The following EVA1A variants were observed in gnomAD, a reference collection of about 807,000 sequenced individuals.
EVA1A encodes the protein protein eva-1 homolog A.
In EVA1A, 7 loss-of-function variants were observed where a neutral mutation model predicts 9.8. The observed-to-expected ratio is 0.71, with a 90% CI of 0.41 to 1.34. The LOEUF is 1.34. Among genes scored for constraint, EVA1A ranks in the 40% most tolerant of loss-of-function variants. EVA1A has a pLI of 0.01. For missense variants in EVA1A, 206 were observed against 205.9 expected, an observed-to-expected ratio of 1.00 and a Z score of 0.00; for synonymous variants, 90 against 85.6, an observed-to-expected ratio of 1.05 and a Z score of -0.28.
intron 1 of EVA1A, among the ~76,000 whole-genome samples, chr2:75,544,140 CAT>C (rs1676240360): frequency 6.6e-6 from 1 of 152,086 alleles, no homozygotes; most frequent in Admixed American, 6.6e-5. Flanking sequence ...GTAGATGTGT[CAT>C]TAATTGGGAA....
chr2:75,538,496 T>C (rs1295252485), intron 1 of EVA1A, among the ~76,000 whole-genome samples: 1 of 152,232 alleles, frequency 6.6e-6, no homozygotes, highest in East Asian at 1.9e-4. Context: ...CAGCATGTTG[T>C]ATAAATGAGA....
At chr2:75,498,168 T>A (rs370728860) in intron 3 of EVA1A, among the ~76,000 whole-genome samples, 30 of 152,234 alleles carry the variant, frequency 2.0e-4, no homozygotes, top group African/African-American at 6.5e-4. Flanking sequence ...AATAAAATCA[T>A]GTCTTTTGCA....
chr2:75,500,632 C>T (rs143348689), intron 3 of EVA1A, among the ~76,000 whole-genome samples: 98 of 152,262 alleles, frequency 6.4e-4, no homozygotes, highest in African/African-American at 2.3e-3. Flanking sequence ...CAACTTCATA[C>T]AGAATGTACC....
chr2:75,547,977 G>T (rs1676389614), intron 1 of EVA1A, among the ~76,000 whole-genome samples: 1 of 152,238 alleles, frequency 6.6e-6, no homozygotes, highest in Admixed American at 6.5e-5. Context: ...ATGACAGACT[G>T]TAGGTCCACA....
intron 3 of EVA1A, among the ~76,000 whole-genome samples, chr2:75,503,836 G>T (rs1401699653): frequency 6.6e-6 from 1 of 151,966 alleles, no homozygotes; most frequent in Non-Finnish European, 1.5e-5. Context: ...TTAGATAGAA[G>T]AAATAAATTC....
chr2:75,543,351 G>C (rs983912459), intron 1 of EVA1A, among the ~76,000 whole-genome samples: 2 of 151,940 alleles, frequency 1.3e-5, no homozygotes, highest in African/African-American at 4.8e-5. Context: ...CAGAAGTAAC[G>C]CCTGACCAAG....
chr2:75,559,600 A>G (rs1676841742), intron 1 of EVA1A, among the ~76,000 whole-genome samples: 1 of 151,848 alleles, frequency 6.6e-6, no homozygotes, highest in African/African-American at 2.4e-5. Context: ...CTGAACTCAG[A>G]GGACAGTAGA....
At chr2:75,569,115 A>C (rs1677079125) in intron 1 of EVA1A, among the ~76,000 whole-genome samples, 1 of 152,152 alleles carries the variant, frequency 6.6e-6, no homozygotes, top group African/African-American at 2.4e-5. Flanking sequence ...CATCACGTCC[A>C]TGCCAACATA....
At chr2:75,521,435 A>C (rs1675226154) in intron 2 of EVA1A, among the ~76,000 whole-genome samples, 2 of 152,222 alleles carry the variant, frequency 1.3e-5, no homozygotes, top group Non-Finnish European at 1.5e-5. Flanking sequence ...AAGTAACCCA[A>C]ATGTCCATCC....
chr2:75,543,385 G>C (rs578060083), intron 1 of EVA1A, among the ~76,000 whole-genome samples: 1 of 152,276 alleles, frequency 6.6e-6, no homozygotes, highest in South Asian at 2.1e-4. Context: ...GGAACAAGGA[G>C]TATTCCTGGT....
intron 3 of EVA1A, among the ~76,000 whole-genome samples, chr2:75,495,883 T>C (rs377001146): frequency 2.0e-5 from 3 of 152,230 alleles, no homozygotes; most frequent in African/African-American, 7.2e-5. Flanking sequence ...CTTCTCCTCC[T>C]TTCCTCCTTT....
At chr2:75,538,324 T>C (rs148363696) in intron 1 of EVA1A, among the ~76,000 whole-genome samples, 82 of 152,132 alleles carry the variant, frequency 5.4e-4, no homozygotes, top group African/African-American at 2.0e-3. Context: ...AAAATAAAAC[T>C]AGTGAGTTCA....
chr2:75,502,313 G>T (rs915160696), intron 3 of EVA1A, among the ~76,000 whole-genome samples: 1 of 152,132 alleles, frequency 6.6e-6, no homozygotes, highest in Admixed American at 6.5e-5. Context: ...CCCTACAAGG[G>T]TTTTCAGACC....
At chr2:75,568,524 T>G (rs992516398) in intron 1 of EVA1A, among the ~76,000 whole-genome samples, 4 of 152,088 alleles carry the variant, frequency 2.6e-5, no homozygotes, top group African/African-American at 7.2e-5. Flanking sequence ...GATAAATTCT[T>G]CAGTAGTGAT....
chr2:75,551,763 C>T (rs559297072), intron 1 of EVA1A, among the ~76,000 whole-genome samples: 8 of 152,298 alleles, frequency 5.3e-5, no homozygotes, highest in South Asian at 2.1e-4. Context: ...GATTAATACA[C>T]GTAAAGTGTT....
intron 1 of EVA1A, chr2:75,558,798 G>A (rs753739505): frequency 2.6e-5 from 4 of 152,228 alleles, no homozygotes; most frequent in South Asian, 2.1e-4. Flanking sequence ...GTACAAGGTC[G>A]GGGGTTACAT....
chr2:75,553,104 A>G (rs566540040), intron 1 of EVA1A, among the ~76,000 whole-genome samples: 1 of 152,172 alleles, frequency 6.6e-6, no homozygotes, highest in African/African-American at 2.4e-5. Flanking sequence ...TTCTTGAAGC[A>G]GCCCTGGTTT....
chr2:75,560,252 GT>G (rs1390814223), intron 1 of EVA1A, among the ~76,000 whole-genome samples: 2 of 152,150 alleles, frequency 1.3e-5, no homozygotes. Context: ...CAGGTAAATA[GT>G]CCACGGTGCA....
chr2:75,533,835 G>A (rs1049949013), intron 1 of EVA1A, among the ~76,000 whole-genome samples: 25 of 150,864 alleles, frequency 1.7e-4, no homozygotes, highest in Non-Finnish European at 2.5e-4. Flanking sequence ...TTTTGAGACC[G>A]GAGTCTTGCT....
Sources: allele counts gnomAD v4.1 joint callset (sites outside exome capture counted in the v4.1 genomes callset), GRCh38; gene constraint gnomAD v4.1.1; transcripts MANE v1.5; gene names NCBI Gene and HGNC (gene_info 2026-07-23, HGNC 2026-07-21).